The following CAB39L variants were observed in gnomAD, a reference collection of about 807,000 sequenced individuals.
The protein encoded by CAB39L is calcium binding protein 39 like.
A neutral mutation model predicts 39.1 loss-of-function variants in CAB39L; 23 were observed. The observed-to-expected ratio is 0.59, with a 90% CI of 0.42 to 0.83. The LOEUF (loss-of-function observed/expected upper bound fraction) is 0.83. CAB39L is among the 40% of genes least tolerant of loss of function. CAB39L has a pLI of 0.00. For missense variants in CAB39L, 366 were observed against 391.9 expected (o/e 0.93, Z 0.56); for synonymous variants, 126 against 137.2 (o/e 0.92, Z 0.57).
At chr13:49,339,881 G>T in intron 8 of CAB39L, 139 bp from the exon 9 acceptor site, 1 of 1,049,776 alleles carries the variant, frequency 9.5e-7, no homozygotes, top group Non-Finnish European at 1.2e-6. Context: ...AAGACACTGG[G>T]GGACAGGGAG....
At chr13:49,429,916 A>C (rs983504105) in intron 3 of CAB39L, among the ~76,000 whole-genome samples, 1 of 152,206 alleles carries the variant, frequency 6.6e-6, no homozygotes, top group Non-Finnish European at 1.5e-5. Context: ...TATTTCTCAT[A>C]AACATGCTTT....
At chr13:49,332,954 A>G (rs962534088) in intron 9 of CAB39L, among the ~76,000 whole-genome samples, 7 of 152,166 alleles carry the variant, frequency 4.6e-5, no homozygotes, top group African/African-American at 1.7e-4. Context: ...TCAGGGGAGT[A>G]ACACATCATT....
chr13:49,389,369 G>A (rs934699662), intron 3 of CAB39L, among the ~76,000 whole-genome samples: 1 of 152,168 alleles, frequency 6.6e-6, no homozygotes, highest in African/African-American at 2.4e-5. Flanking sequence ...GGCTGGGTGC[G>A]GTGGCTCAGT....
intron 6 of CAB39L, among the ~76,000 whole-genome samples, chr13:49,355,958 G>A (rs1955473125): frequency 6.6e-6 from 1 of 152,154 alleles, no homozygotes; most frequent in Non-Finnish European, 1.5e-5. Flanking sequence ...ACCTGAAGCT[G>A]TGGTGGGTGA....
At chr13:49,377,738 A>G (rs1478072088) in intron 4 of CAB39L, among the ~76,000 whole-genome samples, 26 of 79,608 alleles carry the variant, frequency 3.3e-4, no homozygotes, top group African/African-American at 1.0e-3. Context: ...ATCTCGGCTC[A>G]CTACAACCTA....
At chr13:49,345,231 C>T (rs1252074617) in intron 7 of CAB39L, among the ~76,000 whole-genome samples, 1 of 152,132 alleles carries the variant, frequency 6.6e-6, no homozygotes, top group Non-Finnish European at 1.5e-5. Context: ...AGAAGGTACA[C>T]AACATAACTT....
At chr13:49,369,654 C>A (rs1955862752) in intron 5 of CAB39L, among the ~76,000 whole-genome samples, 1 of 151,002 alleles carries the variant, frequency 6.6e-6, no homozygotes, top group South Asian at 2.1e-4. Flanking sequence ...GTGGCATAAT[C>A]TCGACTCACT....
At chr13:49,331,318 T>C (rs1954687270) in intron 10 of CAB39L, among the ~76,000 whole-genome samples, 1 of 151,686 alleles carries the variant, frequency 6.6e-6, no homozygotes, top group Non-Finnish European at 1.5e-5. Flanking sequence ...AAAAAAAAAT[T>C]AGCCAGGAGT....
chr13:49,330,851 G>C (rs555501982), intron 10 of CAB39L, among the ~76,000 whole-genome samples: 1 of 152,000 alleles, frequency 6.6e-6, no homozygotes, highest in South Asian at 2.1e-4. Flanking sequence ...ATTACTTAGA[G>C]TAGGAAAAAA....
Position 49,377,144 on chromosome 13 carries a change from A to C in CAB39L, c.112-13T>G, listed in dbSNP as rs1261811121. On this transcript the variant is annotated splice_polypyrimidine_tract_variant and intron_variant, in intron 4 of 10. Coordinates refer to ENST00000409308, the MANE Select transcript of CAB39L (RefSeq NM_001079670.3). Reference sequence around the variant, plus strand: ...CTTCTTCTGAAGCCTAGTGACCAAAACGTATGCTAACGGTTAAAAGAATAA... The same window carrying C: ...CTTCTTCTGAAGCCTAGTGACCAAACCGTATGCTAACGGTTAAAAGAATAA... The C allele has an allele frequency of 6.2e-7, 1 of 1,606,074 alleles. No individual in the cohort carries two copies. Among genetic ancestry groups the C allele is most frequent in the Non-Finnish European group, 8.5e-7 (1 of 1,175,596 alleles).
At chr13:49,390,360 C>T (rs1956461763) in intron 3 of CAB39L, among the ~76,000 whole-genome samples, 1 of 152,210 alleles carries the variant, frequency 6.6e-6, no homozygotes, top group Non-Finnish European at 1.5e-5. Flanking sequence ...GATCCTCCCA[C>T]CTCAGCCTTA....
chr13:49,412,354 C>T (rs962487964), intron 3 of CAB39L, among the ~76,000 whole-genome samples: 1 of 113,394 alleles, frequency 8.8e-6, no homozygotes, highest in African/African-American at 3.4e-5. Flanking sequence ...ATAAAATTTA[C>T]CTTTGCCATT....
At chr13:49,342,608 T>TAACA (rs1955037497) in intron 8 of CAB39L, among the ~76,000 whole-genome samples, 1 of 152,182 alleles carries the variant, frequency 6.6e-6, no homozygotes, top group Non-Finnish European at 1.5e-5. Context: ...TAACATTAAC[T>TAACA]AACACATGTA....
intron 10 of CAB39L, 139 bp from the exon 11 acceptor site, chr13:49,311,132 C>T (rs1953976773): frequency 7.2e-6 from 5 of 696,282 alleles, no homozygotes; most frequent in East Asian, 2.5e-5. Flanking sequence ...AAGCCCCTGA[C>T]TCTAATTCTC....
At chr13:49,392,114 A>G (rs1410543774) in intron 3 of CAB39L, among the ~76,000 whole-genome samples, 5 of 152,176 alleles carry the variant, frequency 3.3e-5, no homozygotes, top group Non-Finnish European at 5.9e-5. Context: ...TTATACACAC[A>G]CACACACAAA....
At chr13:49,401,174 T>C (rs1378157211) in intron 3 of CAB39L, 3 of 152,192 alleles carry the variant, frequency 2.0e-5, no homozygotes, top group Admixed American at 2.0e-4. Flanking sequence ...AGCAACAAAA[T>C]GTAGACACAT....
chr13:49,400,224 G>T (rs1037478763), intron 3 of CAB39L, among the ~76,000 whole-genome samples: 2 of 151,944 alleles, frequency 1.3e-5, no homozygotes, highest in Admixed American at 6.6e-5. Context: ...GCTTAGAGTG[G>T]TGTATCCTCA....
chr13:49,435,747 C>A (rs2138743681), intron 1 of CAB39L, among the ~76,000 whole-genome samples: 1 of 152,306 alleles, frequency 6.6e-6, no homozygotes, highest in South Asian at 2.1e-4. Flanking sequence ...GCGATCTGCC[C>A]ACCTTGGCCT....
chr13:49,338,932 T>G (rs1244397800), intron 9 of CAB39L, among the ~76,000 whole-genome samples: 2 of 152,064 alleles, frequency 1.3e-5, no homozygotes, highest in East Asian at 1.9e-4. Context: ...CATAAAAAAT[T>G]CTTTAGGAAA....
Sources: allele counts gnomAD v4.1 joint callset (sites outside exome capture counted in the v4.1 genomes callset), GRCh38; gene constraint gnomAD v4.1.1; transcripts MANE v1.5; gene names NCBI Gene and HGNC (gene_info 2026-07-23, HGNC 2026-07-21).